Variants in MGAM2 observed in about 807,000 individuals in gnomAD.
MGAM2 encodes the protein probable maltase-glucoamylase 2.
A neutral mutation model predicts 96.1 loss-of-function variants in MGAM2; 98 were observed. The observed-to-expected ratio is 1.02, with a 90% CI of 0.87 to 1.21. MGAM2 has a LOEUF of 1.21. Among genes scored for constraint, MGAM2 ranks in the 50% most tolerant of loss-of-function variants. The pLI is 0.00. For synonymous variants in MGAM2, 749 were observed against 414.8 expected (o/e 1.81, Z -9.79); for missense variants, 2,055 against 1,182.4 (o/e 1.74, Z -10.82).
intron 3 of MGAM2, among the ~76,000 whole-genome samples, chr7:142,127,366 T>C (rs1054050740): frequency 6.6e-6 from 1 of 152,204 alleles, no homozygotes; most frequent in Non-Finnish European, 1.5e-5. Context: ...CCATTTTTTT[T>C]ATATTATTTT....
intron 45 of MGAM2, among the ~76,000 whole-genome samples, chr7:142,207,054 G>C (rs1437179875): frequency 1.3e-5 from 2 of 152,216 alleles, no homozygotes; most frequent in Non-Finnish European, 2.9e-5. Flanking sequence ...AATACTTCGA[G>C]AGTTAGTTGG....
intron 38 of MGAM2, 38 bp from the exon 39 acceptor site, chr7:142,196,527 G>C: frequency 2.8e-6 from 2 of 709,386 alleles, no homozygotes; most frequent in East Asian, 2.6e-5. Context: ...CTCCCAAAGT[G>C]CTCCTTCCTC....
rs1796352387 is a variant in MGAM2, at chr7:142,175,667, G to A, written c.3703G>A (p.Asp1235Asn). 1.4e-6 allele frequency: 1 copy of A among 702,702 alleles called. No homozygotes were observed. The highest frequency in any genetic ancestry group is 2.0e-5 in the Admixed American group (1 of 49,990). 43.5% of individuals were successfully genotyped at this position (702,702 alleles called of 1,614,324 possible). A position where few individuals can be genotyped will look rare whatever the true frequency, so the allele number is the denominator to read the frequency against. ...CTTTCTGCAGGACGTCCAGCATGTA[G>A]ACATCGATTACATGAACCGGAAGCT... ...AQIPYDVQHV[D>N]IDYMNRKLDF... is the part of the protein sequence containing the mutation. Residue 1235 changes from aspartate to asparagine, a missense_variant, in exon 32 of 48, where the codon GAC (aspartate) becomes AAC (asparagine). Physicochemically the swap from Asp to Asn is conservative, Grantham distance 23. Transcript: ENST00000477922.
intron 3 of MGAM2, among the ~76,000 whole-genome samples, chr7:142,128,775 G>T (rs548444196): frequency 1.3e-5 from 2 of 152,198 alleles, no homozygotes; most frequent in Admixed American, 1.3e-4. Flanking sequence ...TGCCTGGATG[G>T]CCAGGCACAA....
Position 142,131,527 on chromosome 7 carries a change from C to T in MGAM2, c.320C>T (p.Ala107Val). 1.4e-6 allele frequency: 1 copy of T among 702,864 alleles called. No individual in the cohort carries two copies. Among genetic ancestry groups the T allele is most frequent in the Non-Finnish European group, 2.6e-6 (1 of 384,902 alleles). The allele number at this position is 702,864 out of a possible 1,614,324, so 43.5% of individuals were successfully genotyped here. The change falls in exon 5 of 48, where the codon GCC becomes GTC. Residue 107 changes from alanine (A) to valine (V), a missense_variant. Ala to Val is a moderately conservative substitution (Grantham distance 64). Transcript: ENST00000477922. ...GHTNTSTGFT[A>V]QLKRLPSPSL... ...ATCTTGCCACCCCTAGGATTTACTGCCCAGTTGAAAAGGTTGCCATCACCA... is the reference window on the plus strand; with the variant it reads ...ATCTTGCCACCCCTAGGATTTACTGTCCAGTTGAAAAGGTTGCCATCACCA...
chr7:142,167,527 T>G (rs1044727514), intron 26 of MGAM2, 41 bp downstream of exon 26: 1 of 702,592 alleles, frequency 1.4e-6, no homozygotes, highest in East Asian at 2.7e-5. Flanking sequence ...AAGATGGAGT[T>G]TTTAATTTAC....
intron 12 of MGAM2, among the ~76,000 whole-genome samples, chr7:142,142,755 G>A (rs553282015): frequency 7.2e-5 from 11 of 152,012 alleles, no homozygotes; most frequent in Admixed American, 5.9e-4. Context: ...TCACTCTCTC[G>A]GCCAGACTGG....
chr7:142,170,351 G>C (rs895236561), intron 27 of MGAM2, 122 bp downstream of exon 27: 3 of 491,930 alleles, frequency 6.1e-6, no homozygotes, highest in African/African-American at 5.9e-5. Flanking sequence ...ATTTGTTAGA[G>C]TATATCTATT....
chr7:142,139,369 T>C (rs926030967), intron 10 of MGAM2, among the ~76,000 whole-genome samples: 1 of 152,078 alleles, frequency 6.6e-6, no homozygotes, highest in African/African-American at 2.4e-5. Context: ...GATGTAAGAA[T>C]ATAGTGTTGG....
intron 2 of MGAM2, among the ~76,000 whole-genome samples, chr7:142,117,244 GCC>G (rs1817441020): frequency 1.3e-5 from 2 of 152,164 alleles, no homozygotes; most frequent in South Asian, 2.1e-4. Flanking sequence ...CCAGATGCCT[GCC>G]CTTCAACCCA....
intron 14 of MGAM2, among the ~76,000 whole-genome samples, chr7:142,145,463 C>G (rs150965445): frequency 6.6e-6 from 1 of 152,004 alleles, no homozygotes; most frequent in Non-Finnish European, 1.5e-5. Flanking sequence ...ATCAGTGGTG[C>G]CTTCAAGGTC....
At chr7:142,145,580 C>T (rs1313158435) in intron 14 of MGAM2, among the ~76,000 whole-genome samples, 1 of 152,144 alleles carries the variant, frequency 6.6e-6, no homozygotes, top group East Asian at 1.9e-4. Context: ...ATACACTATG[C>T]TCTGGCAACA....
chr7:142,115,184 T>G (rs1313782419), intron 1 of MGAM2, among the ~76,000 whole-genome samples: 3 of 152,140 alleles, frequency 2.0e-5, no homozygotes, highest in African/African-American at 7.2e-5. Flanking sequence ...GCCACTGCAC[T>G]CCAGGGTGAC....
At position 142,147,322 on chromosome 7, in the gene MGAM2, T is replaced by C; in HGVS notation, c.1517-134T>C. 3 of 557,984 alleles carry C rather than the reference T, an allele frequency of 5.4e-6. No homozygotes were observed. The South Asian group carries it at 7.0e-5, about 13-fold the overall frequency. 34.6% of individuals were successfully genotyped at this position (557,984 alleles called of 1,614,324 possible). On this transcript the variant is annotated intron_variant, in intron 14 of 47. Coordinates refer to ENST00000477922, the MANE Select transcript of MGAM2 (RefSeq NM_001293626.2). ...AGGAAATAGCATTTAGGATAGAATT[T>C]AAAATCTGGAATGGATTTGGTCAGG...
intron 8 of MGAM2, 120 bp downstream of exon 8, chr7:142,136,760 C>G: frequency 1.9e-6 from 1 of 534,824 alleles, no homozygotes; most frequent in Non-Finnish European, 3.3e-6. Context: ...ACCTACAATA[C>G]TTTTATTGAA....
At chr7:142,178,685 T>C (rs966104562) in intron 32 of MGAM2, among the ~76,000 whole-genome samples, 4 of 152,110 alleles carry the variant, frequency 2.6e-5, no homozygotes, top group Non-Finnish European at 5.9e-5. Flanking sequence ...ATAGTATACG[T>C]TGAGGTTGGG....
At chr7:142,128,513 C>T (rs916196810) in intron 3 of MGAM2, among the ~76,000 whole-genome samples, 7 of 152,174 alleles carry the variant, frequency 4.6e-5, no homozygotes, top group African/African-American at 9.7e-5. Context: ...CAGGAAGCCT[C>T]GGACAGAAAA....
At chr7:142,205,811 T>G (rs1053409203) in intron 45 of MGAM2, among the ~76,000 whole-genome samples, 10 of 152,164 alleles carry the variant, frequency 6.6e-5, no homozygotes, top group African/African-American at 1.9e-4. Context: ...TTATCTATTT[T>G]TTTCTATTCG....
chr7:142,196,899 T>TC, intron 40 of MGAM2, 83 bp downstream of exon 40: 2 of 642,628 alleles, frequency 3.1e-6, no homozygotes, highest in Non-Finnish European at 2.8e-6. Context: ...TATACTCATT[T>TC]CCTGAGAAAA....
Sources: allele counts gnomAD v4.1 joint callset (sites outside exome capture counted in the v4.1 genomes callset), GRCh38; gene constraint gnomAD v4.1.1; transcripts MANE v1.5; gene names NCBI Gene and HGNC (gene_info 2026-07-23, HGNC 2026-07-21).